The following DAB1 variants were observed in gnomAD, a reference collection of about 807,000 sequenced individuals.
DAB1 encodes the protein DAB adaptor protein 1.
Under a neutral mutation model 64.6 loss-of-function variants are expected in DAB1, and 15 were observed. The ratio of observed to expected loss-of-function variants is 0.23; its 90% CI spans 0.16 to 0.36. The LOEUF is 0.36. Among genes scored for constraint, DAB1 ranks in the 10% least tolerant of loss-of-function variants. The pLI is 1.00. For missense variants in DAB1, 596 were observed against 706.7 expected, an observed-to-expected ratio of 0.84 and a Z score of 1.78; for synonymous variants, 235 against 251.9, an observed-to-expected ratio of 0.93 and a Z score of 0.64.
At chr1:57,779,057 T>C (rs948927524) in intron 6 of DAB1, among the ~76,000 whole-genome samples, 11 of 151,934 alleles carry the variant, frequency 7.2e-5, no homozygotes, top group Non-Finnish European at 1.5e-5. Flanking sequence ...TAAGTATAAA[T>C]AGGGGAATTA....
intron 1 of DAB1, chr1:57,874,262 C>T (rs1172855401): frequency 6.6e-6 from 1 of 152,180 alleles, no homozygotes; most frequent in East Asian, 1.9e-4. Flanking sequence ...CAACACAGAA[C>T]AAGCAACAAG....
intron 9 of DAB1, among the ~76,000 whole-genome samples, 195 bp from the exon 10 acceptor site, chr1:57,026,238 G>C (rs928888152): frequency 3.3e-5 from 5 of 152,132 alleles, no homozygotes; most frequent in African/African-American, 1.2e-4. Context: ...ATCAATTCTT[G>C]CTTCCTTGCA....
chr1:57,065,185 A>G (rs1650780459), intron 8 of DAB1, among the ~76,000 whole-genome samples: 1 of 152,108 alleles, frequency 6.6e-6, no homozygotes, highest in Admixed American at 6.5e-5. Context: ...GTCCTTTAAG[A>G]TTTATCTCAG....
intron 7 of DAB1, among the ~76,000 whole-genome samples, chr1:57,451,780 C>T (rs141757512): frequency 2.9e-4 from 44 of 152,042 alleles, no homozygotes; most frequent in African/African-American, 9.6e-4. Flanking sequence ...TCTCTTTTTG[C>T]GGGGAGAGGG....
intron 5 of DAB1, among the ~76,000 whole-genome samples, chr1:58,128,141 G>C (rs1653262958): frequency 6.6e-6 from 1 of 152,074 alleles, no homozygotes; most frequent in Admixed American, 6.5e-5. Context: ...TCCTGGAGCA[G>C]TGGTTTGCAG....
chr1:58,514,959 A>C (rs181536035), intron 2 of DAB1, among the ~76,000 whole-genome samples: 30 of 152,294 alleles, frequency 2.0e-4, no homozygotes, highest in Non-Finnish European at 3.4e-4. Context: ...TATGAAGATC[A>C]AAAGAATAAA....
chr1:58,137,475 C>A (rs985536370), intron 5 of DAB1, among the ~76,000 whole-genome samples: 2 of 152,096 alleles, frequency 1.3e-5, no homozygotes, highest in African/African-American at 4.8e-5. Context: ...TCCATTTATC[C>A]ATTCACCCTC....
intron 9 of DAB1, among the ~76,000 whole-genome samples, chr1:57,045,294 T>A (rs536654124): frequency 9.2e-5 from 14 of 152,110 alleles, no homozygotes; most frequent in Non-Finnish European, 4.4e-5. Flanking sequence ...ATAAGGGCTA[T>A]CCCTATAACA....
intron 6 of DAB1, among the ~76,000 whole-genome samples, chr1:57,804,674 A>G (rs1417314835): frequency 6.6e-6 from 1 of 152,334 alleles, no homozygotes; most frequent in East Asian, 1.9e-4. Context: ...CGTGCATTTA[A>G]TTGCTTTGGA....
At chr1:57,395,286 A>G (rs1320894359) in intron 1 of DAB1, among the ~76,000 whole-genome samples, 2 of 152,150 alleles carry the variant, frequency 1.3e-5, no homozygotes, top group African/African-American at 2.4e-5. Flanking sequence ...TCAGCTTCCC[A>G]AAGCGCTGGG....
intron 2 of DAB1, among the ~76,000 whole-genome samples, chr1:57,189,505 C>T (rs1034246796): frequency 5.3e-5 from 8 of 152,120 alleles, no homozygotes; most frequent in Non-Finnish European, 1.0e-4. Context: ...GGAAATTTCT[C>T]GTCTGGAGCA....
Position 57,984,759 on chromosome 1 carries a change from C to T in DAB1, n.388-100597G>A, listed in dbSNP as rs995876869. Among the ~76,000 whole-genome samples, 3 of 152,236 alleles carry T rather than the reference C, an allele frequency of 2.0e-5. No homozygotes were observed. The East Asian group carries it at 5.8e-4, about 29-fold the overall frequency. ...TTGCATTTATCTGCTCCCTGAATAC[C>T]CTCTCTCTCCTCTTCTGTTTCTTTT... On this transcript the variant is annotated intron_variant and non_coding_transcript_variant, in intron 5 of 20. Coordinates refer to the DAB1 transcript ENST00000485760.
chr1:58,493,262 T>C (rs1203711762), intron 3 of DAB1, among the ~76,000 whole-genome samples: 1 of 152,184 alleles, frequency 6.6e-6, no homozygotes, highest in Non-Finnish European at 1.5e-5. Flanking sequence ...TGATGGGACG[T>C]ATCTCAAAAT....
intron 2 of DAB1, among the ~76,000 whole-genome samples, chr1:57,154,812 T>G (rs1660053980): frequency 6.6e-6 from 1 of 152,232 alleles, no homozygotes; most frequent in South Asian, 2.1e-4. Context: ...GAGCACCTTT[T>G]CATATGCCTG....
intron 7 of DAB1, among the ~76,000 whole-genome samples, chr1:57,539,843 T>C (rs1524718): frequency 0.9 from 137,285 of 152,214 alleles, 63,586 homozygotes; most frequent in East Asian, 1. Flanking sequence ...CTTGGGCACA[T>C]TGACAAGGTA....
chr1:57,120,681 T>C (rs535768672), intron 4 of DAB1, among the ~76,000 whole-genome samples: 14 of 152,226 alleles, frequency 9.2e-5, no homozygotes, highest in South Asian at 2.1e-4. Flanking sequence ...TTGACTACCA[T>C]AGGAACCTCA....
At chr1:57,702,851 A>C (rs1646922872) in intron 6 of DAB1, among the ~76,000 whole-genome samples, 2 of 152,172 alleles carry the variant, frequency 1.3e-5, no homozygotes, top group Non-Finnish European at 2.9e-5. Flanking sequence ...CACATAGACC[A>C]ATAGAACAGA....
intron 5 of DAB1, among the ~76,000 whole-genome samples, chr1:57,980,226 T>C (rs1279955769): frequency 6.6e-6 from 1 of 152,066 alleles, no homozygotes; most frequent in Non-Finnish European, 1.5e-5. Flanking sequence ...ACACTCTCAG[T>C]AATTACTGTC....
At chr1:57,795,690 G>GAGATAT (rs1650812292) in intron 6 of DAB1, among the ~76,000 whole-genome samples, 1 of 69,092 alleles carries the variant, frequency 1.4e-5, no homozygotes, top group Admixed American at 2.1e-4. Context: ...TATGCTTGGA[G>GAGATAT]ATATATATAT....
Sources: allele counts gnomAD v4.1 joint callset (sites outside exome capture counted in the v4.1 genomes callset), GRCh38; gene constraint gnomAD v4.1.1; transcripts MANE v1.5; gene names NCBI Gene and HGNC (gene_info 2026-07-23, HGNC 2026-07-21).